The following TBC1D1 variants were observed in gnomAD, a reference collection of about 807,000 sequenced individuals.
The protein encoded by TBC1D1 is TBC1 (tre-2/USP6, BUB2, cdc16) domain family, member 1.
A neutral mutation model predicts 125.6 loss-of-function variants in TBC1D1; 89 were observed. That is an observed-to-expected ratio of 0.71 (90% CI 0.60 to 0.85). The LOEUF (loss-of-function observed/expected upper bound fraction) is 0.85, where lower values mean the gene tolerates loss of function less well. Among genes scored for constraint, TBC1D1 ranks in the 40% least tolerant of loss-of-function variants. The pLI is 0.00. For missense variants in TBC1D1, 1,377 were observed against 1,469.2 expected (o/e 0.94, Z 1.03); for synonymous variants, 565 against 564.1 (o/e 1.00, Z -0.02).
At chr4:38,113,367 G>A (rs1330606029) in intron 15 of TBC1D1, among the ~76,000 whole-genome samples, 1 of 152,126 alleles carries the variant, frequency 6.6e-6, no homozygotes, top group African/African-American at 2.4e-5. Context: ...TAGGAATGTT[G>A]TGAGGCTTAA....
chr4:38,054,448 A>G (rs1751307847), intron 12 of TBC1D1, 110 bp downstream of exon 14: 1 of 1,384,394 alleles, frequency 7.2e-7, no homozygotes, highest in African/African-American at 1.4e-5. Context: ...CAGTATTGGC[A>G]GGTCTGAGGC....
At chr4:38,052,221 A>G (rs1386380210) in intron 11 of TBC1D1, among the ~76,000 whole-genome samples, 161 bp downstream of exon 12, 2 of 143,492 alleles carry the variant, frequency 1.4e-5, no homozygotes, top group Admixed American at 6.8e-5. Flanking sequence ...CTTTGTTTAT[A>G]TTTTGTCTTA....
At position 37,902,466 on chromosome 4, in the gene TBC1D1, A is replaced by C; in HGVS notation, c.371A>C (p.His124Pro). The C allele has an allele frequency of 6.2e-7, 1 of 1,613,632 alleles. No homozygotes were observed. Among genetic ancestry groups the C allele is most frequent in the Non-Finnish European group, 8.5e-7 (1 of 1,179,702 alleles). The change falls in exon 2 of 20, where the codon CAC becomes CCC. Residue 124 changes from histidine (H) to proline (P), a missense_variant. His to Pro is a moderately conservative substitution (Grantham distance 77, BLOSUM62 -2). Around this residue, in one of 3 missense-constraint regions of TBC1D1, gnomAD observed 822 missense variants for 824.6 expected, o/e 1.00. Coordinates refer to ENST00000261439, the MANE Select transcript of TBC1D1 (RefSeq NM_015173.4). The stretch of plus-strand genomic sequence containing the variant: ...TGTCTGATTAAGGAAGACGCTGTCC[A>C]CCGGCAGAGTATCTGCTATGTGTTC...
chr4:38,107,494 G>A (rs942273518), intron 15 of TBC1D1, among the ~76,000 whole-genome samples: 1 of 150,990 alleles, frequency 6.6e-6, no homozygotes, highest in African/African-American at 2.4e-5. Flanking sequence ...AGAATGGTTG[G>A]TTGGATATAT....
intron 18 of TBC1D1, among the ~76,000 whole-genome samples, chr4:38,126,707 G>T (rs983858445): frequency 6.6e-6 from 1 of 152,112 alleles, no homozygotes; most frequent in Non-Finnish European, 1.5e-5. Flanking sequence ...GCCAGGTTGG[G>T]TGGGCATCGA....
At chr4:38,003,694 C>T (rs1315085995) in intron 2 of TBC1D1, among the ~76,000 whole-genome samples, 3 of 151,862 alleles carry the variant, frequency 2.0e-5, no homozygotes, top group African/African-American at 7.3e-5. Flanking sequence ...ATGGTGAAAA[C>T]CCATCTCTAC....
intron 14 of TBC1D1, among the ~76,000 whole-genome samples, chr4:38,097,401 G>A (rs937797536): frequency 2.8e-4 from 42 of 150,158 alleles, no homozygotes; most frequent in African/African-American, 9.3e-4. Flanking sequence ...ATGCAGTGGC[G>A]TGATCTCAGC....
At chr4:37,999,105 C>T (rs187483998) in intron 2 of TBC1D1, among the ~76,000 whole-genome samples, 148 of 152,090 alleles carry the variant, frequency 9.7e-4, no homozygotes, top group Admixed American at 1.8e-3. Flanking sequence ...AAAAATTAGT[C>T]GGGTGTGGTG....
intron 12 of TBC1D1, among the ~76,000 whole-genome samples, chr4:38,088,507 T>C (rs1757912890): frequency 6.6e-6 from 1 of 152,232 alleles, no homozygotes; most frequent in Non-Finnish European, 1.5e-5. Context: ...TCAGCAGCTG[T>C]GCTCAGTGTG....
intron 12 of TBC1D1, chr4:38,060,710 G>A (rs898310617): frequency 8.8e-7 from 1 of 1,140,970 alleles, no homozygotes; most frequent in African/African-American, 1.6e-5. Context: ...TCATACACCT[G>A]TTGATTAAGA....
chr4:38,113,872 T>G (rs1762549645), intron 15 of TBC1D1, among the ~76,000 whole-genome samples: 1 of 152,194 alleles, frequency 6.6e-6, no homozygotes, highest in Admixed American at 6.5e-5. Context: ...GTCTCAGTAT[T>G]TTTATATTGA....
At chr4:38,040,530 G>A (rs528758111) in intron 8 of TBC1D1, among the ~76,000 whole-genome samples, 4 of 152,256 alleles carry the variant, frequency 2.6e-5, no homozygotes, top group Non-Finnish European at 4.4e-5. Flanking sequence ...CTCGTGATCC[G>A]CCTGCCTTGG....
intron 17 of TBC1D1, 44 bp downstream of exon 19, chr4:38,118,236 T>C (rs370326701): frequency 1.9e-5 from 30 of 1,602,604 alleles, no homozygotes; most frequent in African/African-American, 2.7e-5. Context: ...CCTTCTCTTA[T>C]TAGAGGGGAA....
chr4:38,098,040 A>G (rs987254166), intron 14 of TBC1D1, among the ~76,000 whole-genome samples: 4 of 152,252 alleles, frequency 2.6e-5, no homozygotes, highest in African/African-American at 7.2e-5. Flanking sequence ...CCAGGTGCTT[A>G]TCTCAGAACA....
At chr4:38,135,920 GTA>G (rs1298787207) in intron 19 of TBC1D1, among the ~76,000 whole-genome samples, 29 of 95,596 alleles carry the variant, frequency 3.0e-4, no homozygotes, top group East Asian at 1.2e-3. Flanking sequence ...ACGTGTGTGT[GTA>G]TATGTGTGTG....
At chr4:37,911,321 C>T (rs915731550) in intron 2 of TBC1D1, among the ~76,000 whole-genome samples, 4 of 152,042 alleles carry the variant, frequency 2.6e-5, no homozygotes, top group African/African-American at 4.8e-5. Flanking sequence ...TTCTGAATAC[C>T]TTTCCTCCCT....
At position 38,035,680 on chromosome 4, in the gene TBC1D1, T is replaced by C. The variant is rs781614906; in HGVS notation, c.1395T>C (p.His465=). 1 of 1,612,164 alleles carries C rather than the reference T, an allele frequency of 6.2e-7. No homozygotes were observed. Residue 465 remains histidine (H), a synonymous_variant, in exon 8 of 20, where the codon CAT becomes CAC. Coordinates refer to ENST00000261439, the MANE Select transcript of TBC1D1 (RefSeq NM_015173.4). ...AAGAGAAACAGAAAGAACACATCCA[T>C]ATTGGGGAGATGAAGCAGGTATGGC...
At chr4:37,953,658 G>C (rs1285457784) in intron 2 of TBC1D1, among the ~76,000 whole-genome samples, 1 of 152,174 alleles carries the variant, frequency 6.6e-6, no homozygotes, top group African/African-American at 2.4e-5. Context: ...ATTGACTAAG[G>C]TTGATGTGTA....
chr4:38,093,519 T>TTCCC (rs375345240), intron 13 of TBC1D1, among the ~76,000 whole-genome samples: 77 of 145,804 alleles, frequency 5.3e-4, no homozygotes, highest in East Asian at 3.7e-3. Flanking sequence ...AAGGCCGTTT[T>TTCCC]CCCCCCCCTT....
Sources: gnomAD v4.1 joint callset for allele counts (sites outside exome capture counted in the v4.1 genomes callset) on GRCh38, gnomAD v4.1.1 for gene constraint, gnomAD v4.1.1 regional missense constraint, MANE v1.5 for transcripts, NCBI Gene and HGNC (gene_info 2026-07-23, HGNC 2026-07-21) for gene names.